The following CTNNA3 variants were observed in gnomAD, a reference collection of about 807,000 sequenced individuals.
CTNNA3 encodes the protein catenin alpha 3.
A neutral mutation model predicts 95.7 loss-of-function variants in CTNNA3; 76 were observed. The ratio of observed to expected loss-of-function variants is 0.79; its 90% CI spans 0.66 to 0.96. The LOEUF is 0.96. Among genes scored for constraint, CTNNA3 ranks in the 40% least tolerant of loss-of-function variants. CTNNA3 has a pLI of 0.00. For missense variants in CTNNA3, 1,191 were observed against 1,089.8 expected (o/e 1.09, Z -1.31); for synonymous variants, 431 against 374.4 (o/e 1.15, Z -1.74).
intron 11 of CTNNA3, among the ~76,000 whole-genome samples, chr10:66,418,697 T>A (rs1223957690): frequency 7.1e-6 from 1 of 140,502 alleles, no homozygotes; most frequent in Non-Finnish European, 1.6e-5. Context: ...CAAGTGGGAT[T>A]TACCCAAGGG....
intron 13 of CTNNA3, among the ~76,000 whole-genome samples, chr10:66,148,347 T>C (rs1235572194): frequency 1.3e-5 from 2 of 152,150 alleles, no homozygotes; most frequent in African/African-American, 4.8e-5. Context: ...TAGTATCTAC[T>C]AGTTTTTAAA....
intron 11 of CTNNA3, among the ~76,000 whole-genome samples, chr10:66,386,133 T>C (rs1397462075): frequency 1.3e-5 from 2 of 152,164 alleles, no homozygotes; most frequent in African/African-American, 4.8e-5. Flanking sequence ...GGTATTCAGT[T>C]AGGAAATGAG....
intron 9 of CTNNA3, among the ~76,000 whole-genome samples, chr10:66,710,632 A>T (rs10997331): frequency 0.032 from 4,889 of 151,982 alleles, 204 homozygotes; most frequent in East Asian, 0.22. Flanking sequence ...TAGAAAAATT[A>T]ATATGTGGCT....
At chr10:66,499,011 A>G (rs1840190183) in intron 11 of CTNNA3, among the ~76,000 whole-genome samples, 1 of 152,192 alleles carries the variant, frequency 6.6e-6, no homozygotes, top group Non-Finnish European at 1.5e-5. Flanking sequence ...GGTATACCAT[A>G]TATTGTGTAA....
At position 67,110,319 on chromosome 10, in the gene CTNNA3, T is replaced by A. The variant is rs997725459; in HGVS notation, c.1047+69998A>T. ...GTTTCACAATTGTTCTGTATTCCAA[T>A]TAAGAGGCTCAAAATCTAGTCTGGG... is the stretch of plus-strand genomic sequence containing the variant. On this transcript the variant is annotated intron_variant, in intron 7 of 17. Transcript: ENST00000433211. Among the ~76,000 whole-genome samples the A allele has an allele frequency of 4.0e-4, 61 of 152,142 alleles. 1 individual carries two copies. The highest frequency in any genetic ancestry group is 1.3e-3 in the African/African-American group (55 of 41,422).
intron 7 of CTNNA3, among the ~76,000 whole-genome samples, chr10:66,838,465 G>A (rs928703688): frequency 6.6e-6 from 1 of 152,102 alleles, no homozygotes; most frequent in Non-Finnish European, 1.5e-5. Flanking sequence ...AGGTTTTAAT[G>A]TACTTGACAA....
chr10:67,230,062 T>C (rs1865114617), intron 5 of CTNNA3, among the ~76,000 whole-genome samples: 1 of 152,116 alleles, frequency 6.6e-6, no homozygotes, highest in South Asian at 2.1e-4. Flanking sequence ...CACCACCTGA[T>C]TTCAAACTAT....
intron 7 of CTNNA3, among the ~76,000 whole-genome samples, chr10:67,007,951 C>T (rs1423086873): frequency 6.6e-6 from 1 of 151,946 alleles, no homozygotes; most frequent in East Asian, 1.9e-4. Context: ...TTAAAATGGA[C>T]TCAAGCTACC....
intron 5 of CTNNA3, among the ~76,000 whole-genome samples, chr10:67,328,440 G>C (rs1399146550): frequency 6.6e-6 from 1 of 152,190 alleles, no homozygotes; most frequent in Non-Finnish European, 1.5e-5. Flanking sequence ...AGTTCCCCTA[G>C]TCCTGCACCA....
intron 13 of CTNNA3, among the ~76,000 whole-genome samples, chr10:66,249,674 GT>G (rs2090472082): frequency 6.6e-6 from 1 of 152,174 alleles, no homozygotes; most frequent in African/African-American, 2.4e-5. Context: ...TTTGTACACT[GT>G]TGGTGGGGAT....
intron 10 of CTNNA3, among the ~76,000 whole-genome samples, chr10:66,597,115 T>C (rs943265476): frequency 6.6e-6 from 1 of 151,860 alleles, no homozygotes; most frequent in African/African-American, 2.4e-5. Context: ...AGACAGACCA[T>C]TTAAAATTCT....
At chr10:67,149,516 C>T (rs1214950157) in intron 7 of CTNNA3, among the ~76,000 whole-genome samples, 1 of 152,050 alleles carries the variant, frequency 6.6e-6, no homozygotes, top group Non-Finnish European at 1.5e-5. Context: ...ACCCGGGAGG[C>T]GGAGCTTGCA....
intron 7 of CTNNA3, among the ~76,000 whole-genome samples, chr10:66,814,330 T>C (rs556886784): frequency 6.6e-6 from 1 of 150,844 alleles, no homozygotes; most frequent in South Asian, 2.1e-4. Context: ...AACTAGAGAC[T>C]GAGAATGAAA....
chr10:66,968,527 A>T lies in CTNNA3; in HGVS notation c.1048-193003T>A, dbSNP rs12249820. On this transcript the variant is annotated intron_variant, in intron 7 of 17. Coordinates refer to ENST00000433211, the MANE Select transcript of CTNNA3 (RefSeq NM_013266.4). ...TATGAAGAAAGTTCATATCTAAAAAAACGTGGTTAGAAGCGATTGGATTCA... is the reference window on the plus strand; with the variant it reads ...TATGAAGAAAGTTCATATCTAAAAATACGTGGTTAGAAGCGATTGGATTCA... Among the ~76,000 whole-genome samples, 1,085 of 152,020 alleles carry T rather than the reference A, an allele frequency of 7.1e-3. 15 individuals are homozygous for T. The highest frequency in any genetic ancestry group is 0.025 in the African/African-American group (1,036 of 41,462).
intron 13 of CTNNA3, among the ~76,000 whole-genome samples, chr10:66,115,687 G>GTATAGTATCAACAATCC (rs1438883145): frequency 6.6e-6 from 1 of 152,040 alleles, no homozygotes; most frequent in Non-Finnish European, 1.5e-5. Context: ...AAGCTGCCAG[G>GTATAGTATCAACAATCC]TATAGTATCA....
At chr10:66,446,023 C>T (rs934123852) in intron 11 of CTNNA3, among the ~76,000 whole-genome samples, 4 of 152,080 alleles carry the variant, frequency 2.6e-5, no homozygotes, top group African/African-American at 9.7e-5. Context: ...ATACAAACTA[C>T]CATCAGAGAA....
rs547863977 is a variant in CTNNA3 at position 66,558,646 on chromosome 10, G to A, written c.1375-37873C>T. Among the ~76,000 whole-genome samples the A allele has an allele frequency of 1.3e-3, 192 of 152,120 alleles. 1 individual carries two copies. Among genetic ancestry groups the A allele is most frequent in the African/African-American group, 4.3e-3 (177 of 41,498 alleles). On this transcript the variant is annotated intron_variant, in intron 10 of 17. Coordinates refer to ENST00000433211, the MANE Select transcript of CTNNA3 (RefSeq NM_013266.4). ...TGGGTGTGCACAAGTATGTTTGTGT[G>A]TACTGATTTGTGTCTATTTCATTAT...
At chr10:66,133,892 A>T (rs2083236895) in intron 13 of CTNNA3, among the ~76,000 whole-genome samples, 1 of 46,160 alleles carries the variant, frequency 2.2e-5, no homozygotes, top group Non-Finnish European at 4.0e-5. Flanking sequence ...AATTTTTAAA[A>T]ATCTAACTTA....
intron 5 of CTNNA3, among the ~76,000 whole-genome samples, chr10:67,263,407 T>G (rs922913456): frequency 2.7e-4 from 41 of 152,330 alleles, no homozygotes; most frequent in African/African-American, 9.6e-4. Flanking sequence ...AGGCTACAAA[T>G]GCGTTGATTT....
Sources: allele counts gnomAD v4.1 joint callset (sites outside exome capture counted in the v4.1 genomes callset), GRCh38; gene constraint gnomAD v4.1.1; transcripts MANE v1.5; gene names NCBI Gene and HGNC (gene_info 2026-07-23, HGNC 2026-07-21).